SLC16A5: variants seen among roughly 807,000 people sequenced by gnomAD.
SLC16A5 encodes the protein solute carrier family 16 member 5, also known as monocarboxylate transporter 6.
SLC16A5 carries 29 observed loss-of-function variants against 33.2 expected under a neutral mutation model. That is an observed-to-expected ratio of 0.87 (90% CI 0.65 to 1.19). The LOEUF is 1.19. Ranked by LOEUF, SLC16A5 falls within the 50% of genes most tolerant of loss-of-function variation. The pLI, the probability that SLC16A5 is intolerant of heterozygous loss-of-function variation, is 0.00. For missense variants in SLC16A5, 606 were observed against 678.2 expected (o/e 0.89, Z 1.18); for synonymous variants, 248 against 284.1 (o/e 0.87, Z 1.28).
intron 4 of SLC16A5, 77 bp from the exon 5 acceptor site, chr17:75,099,930 G>A: frequency 7.4e-7 from 1 of 1,357,952 alleles, no homozygotes; most frequent in Admixed American, 2.2e-5. Flanking sequence ...TGTGTGAAAT[G>A]ACCACTGACC....
chr17:75,104,592 C>G, intron 6 of SLC16A5: 1 of 572,232 alleles, frequency 1.7e-6, no homozygotes, highest in Non-Finnish European at 2.2e-6. Flanking sequence ...GCTGAGATTA[C>G]AGGCATGCGC....
At chr17:75,098,952 C>T (rs1336544639) in intron 4 of SLC16A5, among the ~76,000 whole-genome samples, 1 of 151,944 alleles carries the variant, frequency 6.6e-6, no homozygotes. Context: ...CCGGTAGTCA[C>T]CTAGCAGGGC....
intron 6 of SLC16A5, 24 bp downstream of exon 6, chr17:75,104,204 C>T (rs1408313998): frequency 2.0e-5 from 33 of 1,611,022 alleles, no homozygotes; most frequent in Non-Finnish European, 2.7e-5. Context: ...GTCTAAGACC[C>T]AGGGTTCATC....
rs374137524 is a variant in SLC16A5, at chr17:75,106,047, C to T, written c.*14C>T. The T allele has an allele frequency of 3.9e-5, 54 of 1,370,404 alleles. No homozygotes were observed. Among genetic ancestry groups the T allele is most frequent in the East Asian group, 3.3e-4 (13 of 39,990 alleles). 84.9% of individuals were successfully genotyped at this position (1,370,404 alleles called of 1,614,324 possible). ...AGCCCTACCTGAGTGCCCTGTTTGA[C>T]TCCGCCACTATCTGCCATGTGAGTT... On this transcript the variant is annotated 3_prime_UTR_variant, in exon 7 of 7. Transcript: ENST00000329783.
At position 75,100,124 on chromosome 17, in the gene SLC16A5, T is replaced by A; in HGVS notation, c.461T>A (p.Leu154His). The A allele has an allele frequency of 6.2e-7, 1 of 1,614,154 alleles. No homozygotes were observed. Among genetic ancestry groups the A allele is most frequent in the South Asian group, 1.1e-5 (1 of 91,082 alleles). The change falls in exon 5 of 7, where the codon CTC becomes CAC. Residue 154 changes from leucine (L) to histidine (H), a missense_variant. Coordinates refer to ENST00000329783, the MANE Select transcript of SLC16A5 (RefSeq NM_004695.4). ...ASMGVSLGITLWPLLSRYLLE... is the reference protein window; with the variant it reads ...ASMGVSLGITHWPLLSRYLLE... ...ATGGGCGTCTCCCTGGGCATCACCC[T>A]CTGGCCGCTGCTCTCCCGCTACCTT...
intron 6 of SLC16A5, 156 bp downstream of exon 6, chr17:75,104,336 C>T: frequency 2.1e-6 from 3 of 1,440,118 alleles, no homozygotes; most frequent in Non-Finnish European, 2.7e-6. Flanking sequence ...GAAGCCCGGG[C>T]TGTCCAGGCT....
rs141206460 is a variant in SLC16A5, at chr17:75,099,773, C to T, written c.344-234C>T. ...TTTTTAAAAGATAACTCTCGTGCTACACCTAGGGGAACAGGGATGCCCTGG... is the reference window on the plus strand; with the variant it reads ...TTTTTAAAAGATAACTCTCGTGCTATACCTAGGGGAACAGGGATGCCCTGG... On this transcript the variant is annotated intron_variant, in intron 4 of 6. Transcript: ENST00000329783. Among the ~76,000 whole-genome samples the T allele has an allele frequency of 1.1e-3, 174 of 152,236 alleles. 2 individuals carry two copies. The East Asian group carries it at 0.033, about 29-fold the overall frequency.
rs779666910 is a variant in SLC16A5, at chr17:75,093,711, C to T, written c.75C>T (p.Gly25=). The change falls in exon 3 of 7, where the codon GGC becomes GGT. Residue 25 remains glycine, a synonymous_variant. Transcript: ENST00000329783. ...TGCTGGCCACCATGGTGACCCAGGG[C>T]CTCACCCTGGGCTTCCCCACGTGTA... ...VVLLATMVTQ[G]LTLGFPTCIG... 1 of 1,613,986 alleles carries T rather than the reference C, an allele frequency of 6.2e-7. No individual in the cohort carries two copies. The highest frequency in any genetic ancestry group is 8.5e-7 in the Non-Finnish European group (1 of 1,179,954).
At chr17:75,096,975 A>C (rs113694112) in intron 3 of SLC16A5, among the ~76,000 whole-genome samples, 1 of 142,136 alleles carries the variant, frequency 7.0e-6, no homozygotes, top group South Asian at 2.3e-4. Context: ...ACAGGCACGC[A>C]CCACCATGCC....
chr17:75,095,441 C>T (rs2073704995), intron 3 of SLC16A5, among the ~76,000 whole-genome samples: 1 of 152,226 alleles, frequency 6.6e-6, no homozygotes, highest in Non-Finnish European at 1.5e-5. Context: ...TACACATACA[C>T]GTGTATGAGC....
intron 6 of SLC16A5, 130 bp from the exon 7 acceptor site, chr17:75,105,750 C>G: frequency 7.1e-7 from 1 of 1,413,114 alleles, no homozygotes; most frequent in South Asian, 1.7e-5. Flanking sequence ...AGCTGGAGTA[C>G]GTTTCCCCTC....
intron 5 of SLC16A5, among the ~76,000 whole-genome samples, chr17:75,102,161 A>G (rs1598154763): frequency 6.6e-6 from 1 of 151,900 alleles, no homozygotes; most frequent in South Asian, 2.1e-4. Context: ...TCATTTATTC[A>G]CCTCTGCCAG....
intron 3 of SLC16A5, among the ~76,000 whole-genome samples, chr17:75,096,900 G>A (rs1326857716): frequency 1.5e-5 from 2 of 129,382 alleles, no homozygotes; most frequent in African/African-American, 3.1e-5. Context: ...AGGATGGAGC[G>A]CATCGGGTTC....
intron 5 of SLC16A5, among the ~76,000 whole-genome samples, chr17:75,101,211 T>C (rs1426683292): frequency 2.0e-5 from 3 of 148,280 alleles, no homozygotes; most frequent in Non-Finnish European, 4.5e-5. Flanking sequence ...ATTGCGCCAC[T>C]GCACTCCAGG....
chr17:75,105,692 C>T (rs934663154), intron 6 of SLC16A5, 188 bp from the exon 7 acceptor site: 66 of 985,284 alleles, frequency 6.7e-5, no homozygotes, highest in Non-Finnish European at 7.8e-5. Context: ...CAAAAATGTT[C>T]CCTGCAGCAG....
Position 75,106,086 on chromosome 17 carries a change from A to C in SLC16A5, c.*53A>C. 1.1e-6 allele frequency: 1 copy of C among 905,492 alleles called. No individual in the cohort carries two copies. 56.1% of individuals were successfully genotyped at this position (905,492 alleles called of 1,614,324 possible). A position where few individuals can be genotyped will look rare whatever the true frequency, so the allele number is the denominator to read the frequency against. On this transcript the variant is annotated 3_prime_UTR_variant, in exon 7 of 7. Coordinates refer to ENST00000329783, the MANE Select transcript of SLC16A5 (RefSeq NM_004695.4). The stretch of plus-strand genomic sequence containing the variant: ...GCCATGTGAGTTGGGCAAATTGTTG[A>C]CCACCTCTGAGCCTTGAAAAAGTAG...
intron 6 of SLC16A5, 62 bp from the exon 7 acceptor site, chr17:75,105,818 G>C (rs2073855515): frequency 6.7e-7 from 1 of 1,481,484 alleles, no homozygotes; most frequent in Non-Finnish European, 9.0e-7. Flanking sequence ...GTTGTTTGTT[G>C]ATTCAGGCTC....
At chr17:75,101,290 G>A (rs182027327) in intron 5 of SLC16A5, among the ~76,000 whole-genome samples, 5 of 149,422 alleles carry the variant, frequency 3.3e-5, no homozygotes, top group African/African-American at 1.2e-4. Context: ...ACCAGGTGCG[G>A]TGGCTCACGC....
intron 3 of SLC16A5, among the ~76,000 whole-genome samples, chr17:75,096,841 C>CT (rs71361652): frequency 0.25 from 16,477 of 65,272 alleles, 3,662 homozygotes; most frequent in African/African-American, 0.32. Context: ...CACTCCATCA[C>CT]TTTTTTTTTT....
Sources: gnomAD v4.1 joint callset for allele counts (sites outside exome capture counted in the v4.1 genomes callset) on GRCh38, gnomAD v4.1.1 for gene constraint, MANE v1.5 for transcripts, NCBI Gene and HGNC (gene_info 2026-07-23, HGNC 2026-07-21) for gene names.